THSD7B: variants seen among roughly 807,000 people sequenced by gnomAD.
THSD7B encodes the protein thrombospondin type-1 domain-containing protein 7B.
In THSD7B, 138 loss-of-function variants were observed where a neutral mutation model predicts 213.6. The ratio of observed to expected loss-of-function variants is 0.65; its 90% CI spans 0.56 to 0.74. THSD7B has a LOEUF of 0.74. Ranked by LOEUF, THSD7B falls within the 30% of genes least tolerant of loss-of-function variation. The pLI, the probability that THSD7B is intolerant of heterozygous loss-of-function variation, is 0.00. For synonymous variants in THSD7B, 742 were observed against 687.0 expected, an observed-to-expected ratio of 1.08 and a Z score of -1.25; for missense variants, 1,931 against 1,991.5, an observed-to-expected ratio of 0.97 and a Z score of 0.58.
chr2:137,349,846 G>T (rs1684967596), intron 12 of THSD7B, among the ~76,000 whole-genome samples: 1 of 151,602 alleles, frequency 6.6e-6, no homozygotes, highest in Non-Finnish European at 1.5e-5. Context: ...AGATTAAGAG[G>T]GAAAAAATGT....
chr2:137,133,063 A>G (rs547006278), intron 5 of THSD7B, among the ~76,000 whole-genome samples: 1 of 152,308 alleles, frequency 6.6e-6, no homozygotes, highest in African/African-American at 2.4e-5. Flanking sequence ...ATAATGAAGT[A>G]TGGTTTCCTT....
intron 7 of THSD7B, among the ~76,000 whole-genome samples, chr2:137,202,161 T>C (rs995079447): frequency 3.3e-5 from 5 of 152,200 alleles, no homozygotes; most frequent in Non-Finnish European, 5.9e-5. Context: ...ACTGTGCTCA[T>C]CTGAGTGAGC....
Position 137,394,601 on chromosome 2 carries a change from C to T in THSD7B, c.2501-11012C>T, listed in dbSNP as rs1168096595. On this transcript the variant is annotated intron_variant, in intron 12 of 27. Transcript: ENST00000409968. ...AGTTTGAAGTCAGGTAGTGTGATGC[C>T]TCCAGCTTTGTTCTTTTGGCTTAGG... 2.2e-5 allele frequency among the ~76,000 whole-genome samples: 3 copies of T among 136,614 alleles called. 1 individual carries two copies. The highest frequency in any genetic ancestry group is 4.8e-5 in the Non-Finnish European group (3 of 61,914). 89.6% of individuals were successfully genotyped at this position (136,614 alleles called of 152,430 possible). A position where few individuals can be genotyped will look rare whatever the true frequency, so the allele number is the denominator to read the frequency against.
At chr2:137,468,119 C>T (rs970333866) in intron 15 of THSD7B, among the ~76,000 whole-genome samples, 1 of 152,134 alleles carries the variant, frequency 6.6e-6, no homozygotes, top group Non-Finnish European at 1.5e-5. Flanking sequence ...GAAGTTGAAA[C>T]ACCTTTTAGT....
intron 1 of THSD7B, among the ~76,000 whole-genome samples, chr2:136,830,469 C>T (rs1366100832): frequency 1.3e-5 from 2 of 151,972 alleles, no homozygotes; most frequent in African/African-American, 4.8e-5. Flanking sequence ...TTCTTTTCTT[C>T]TGCCTTCATT....
rs550108153 is a variant in THSD7B at position 136,783,229 on chromosome 2, C to T, written c.-36+17542C>T. ...GTTTTCTCAGGACCCTTATACCTGC[C>T]GTATACCTTGTGAGCAAAAGGGTTA... On this transcript the variant is annotated intron_variant, in intron 1 of 27. Transcript: ENST00000409968. 5.3e-5 allele frequency among the ~76,000 whole-genome samples: 8 copies of T among 152,182 alleles called. No homozygotes were observed. The East Asian group carries it at 7.7e-4, about 15-fold the overall frequency.
At chr2:137,038,773 C>T (rs141584449) in intron 2 of THSD7B, among the ~76,000 whole-genome samples, 9 of 152,282 alleles carry the variant, frequency 5.9e-5, no homozygotes, top group Non-Finnish European at 1.3e-4. Flanking sequence ...GCATAGCAGG[C>T]TATAGTGGGG....
chr2:137,674,031 T>C (rs1200231379), intron 27 of THSD7B, among the ~76,000 whole-genome samples: 2 of 152,134 alleles, frequency 1.3e-5, no homozygotes, highest in Admixed American at 6.5e-5. Flanking sequence ...TATAAACATA[T>C]TTGTGTAAAT....
intron 7 of THSD7B, among the ~76,000 whole-genome samples, chr2:137,182,761 A>G (rs1370164543): frequency 1.3e-5 from 2 of 152,000 alleles, no homozygotes; most frequent in African/African-American, 2.4e-5. Flanking sequence ...CTTTCATATC[A>G]TTTGAGTGTC....
At chr2:137,026,846 C>T (rs1558891929) in intron 2 of THSD7B, among the ~76,000 whole-genome samples, 1 of 150,758 alleles carries the variant, frequency 6.6e-6, no homozygotes, top group East Asian at 2.0e-4. Flanking sequence ...ATCATTTGTC[C>T]TTTTTATCTC....
intron 6 of THSD7B, among the ~76,000 whole-genome samples, chr2:137,170,151 C>G (rs1477016960): frequency 3.3e-5 from 5 of 152,136 alleles, no homozygotes; most frequent in Non-Finnish European, 7.4e-5. Flanking sequence ...CCTAGTCCCA[C>G]AGTACACTTT....
intron 1 of THSD7B, among the ~76,000 whole-genome samples, chr2:136,820,643 A>G (rs1682551966): frequency 6.6e-6 from 1 of 152,234 alleles, no homozygotes; most frequent in African/African-American, 2.4e-5. Context: ...AAAAAATGCT[A>G]TGAAGGTCAT....
intron 17 of THSD7B, among the ~76,000 whole-genome samples, chr2:137,608,042 G>T (rs546915062): frequency 1.3e-5 from 2 of 152,236 alleles, no homozygotes; most frequent in African/African-American, 2.4e-5. Context: ...CCCTGGTCTT[G>T]TCAGTCCCGT....
At chr2:136,798,905 A>T (rs1418094278) in intron 1 of THSD7B, among the ~76,000 whole-genome samples, 1 of 152,040 alleles carries the variant, frequency 6.6e-6, no homozygotes, top group Non-Finnish European at 1.5e-5. Flanking sequence ...TGTAGTCTAC[A>T]CACATTCCCT....
chr2:137,395,090 A>G (rs371899733), intron 12 of THSD7B, among the ~76,000 whole-genome samples: 4 of 124,098 alleles, frequency 3.2e-5, no homozygotes, highest in Non-Finnish European at 7.2e-5. Context: ...TCTAGATATA[A>G]AATCATGTCA....
chr2:137,234,196 G>C (rs1681709319), intron 9 of THSD7B, among the ~76,000 whole-genome samples: 1 of 152,218 alleles, frequency 6.6e-6, no homozygotes, highest in Non-Finnish European at 1.5e-5. Flanking sequence ...TGGCAGCACT[G>C]AACCGTGGTC....
intron 17 of THSD7B, among the ~76,000 whole-genome samples, chr2:137,603,820 T>C (rs1682119342): frequency 6.6e-6 from 1 of 152,150 alleles, no homozygotes; most frequent in Admixed American, 6.5e-5. Flanking sequence ...ATTAAAAACT[T>C]TAAAACATGG....
At chr2:136,875,940 A>G (rs144348152) in intron 1 of THSD7B, among the ~76,000 whole-genome samples, 1 of 152,216 alleles carries the variant, frequency 6.6e-6, no homozygotes, top group Non-Finnish European at 1.5e-5. Flanking sequence ...AATCCTTTCA[A>G]TCTCTTTTTA....
chr2:137,325,437 G>A (rs373950858), intron 12 of THSD7B, among the ~76,000 whole-genome samples: 1 of 152,110 alleles, frequency 6.6e-6, no homozygotes, highest in Non-Finnish European at 1.5e-5. Context: ...GGTGGGCTTC[G>A]CTGGACCTGC....
Sources: gnomAD v4.1 joint callset for allele counts (sites outside exome capture counted in the v4.1 genomes callset) on GRCh38, gnomAD v4.1.1 for gene constraint, MANE v1.5 for transcripts, NCBI Gene and HGNC (gene_info 2026-07-23, HGNC 2026-07-21) for gene names.